The following FAR1 variants were observed in gnomAD, a reference collection of about 807,000 sequenced individuals.
FAR1 encodes the protein male sterility domain-containing protein 2.
Under a neutral mutation model 61.1 loss-of-function variants are expected in FAR1, and 22 were observed. The observed-to-expected ratio is 0.36, with a 90% CI of 0.26 to 0.51. The LOEUF (loss-of-function observed/expected upper bound fraction) is 0.51. FAR1 is among the 20% of genes least tolerant of loss of function. FAR1 has a pLI of 0.95. For synonymous variants in FAR1, 206 were observed against 209.7 expected, an observed-to-expected ratio of 0.98 and a Z score of 0.15; for missense variants, 359 against 626.9, an observed-to-expected ratio of 0.57 and a Z score of 4.56.
At chr11:13,699,159 C>T (rs1290990201) in intron 2 of FAR1, among the ~76,000 whole-genome samples, 3 of 152,142 alleles carry the variant, frequency 2.0e-5, no homozygotes, top group Admixed American at 6.5e-5. Flanking sequence ...CTCTGAGAAG[C>T]CAGCTTGTGT....
At position 13,721,463 on chromosome 11, in the gene FAR1, G is replaced by C; in HGVS notation, c.1128-267G>C. ...TGTATACCCTTTGAGAATTAATTCTGTATATCAGCAGAACTCTGTTTAGGT... is the reference window on the plus strand; with the variant it reads ...TGTATACCCTTTGAGAATTAATTCTCTATATCAGCAGAACTCTGTTTAGGT... On this transcript the variant is annotated intron_variant, in intron 9 of 11. Transcript: ENST00000354817. The surrounding 1 kb of genome is among the most constrained non-coding windows in gnomAD (Gnocchi z 4.2). 3.5e-6 allele frequency: 1 copy of C among 286,198 alleles called. No homozygotes were observed. The highest frequency in any genetic ancestry group is 6.5e-6 in the Non-Finnish European group (1 of 154,662). The allele number at this position is 286,198 out of a possible 1,614,324, so 17.7% of individuals were successfully genotyped here.
At chr11:13,707,313 A>G (rs190376488) in intron 3 of FAR1, among the ~76,000 whole-genome samples, 17 of 152,272 alleles carry the variant, frequency 1.1e-4, no homozygotes, top group Non-Finnish European at 2.4e-4. Flanking sequence ...TAACAGATGT[A>G]CCAGTTTTAT....
At chr11:13,696,915 T>C (rs1208940897) in intron 2 of FAR1, among the ~76,000 whole-genome samples, 3 of 152,240 alleles carry the variant, frequency 2.0e-5, no homozygotes, top group East Asian at 1.9e-4. Context: ...CATTGACTTA[T>C]AGCAGGGTTT....
At chr11:13,699,643 T>A (rs1848348447) in intron 2 of FAR1, among the ~76,000 whole-genome samples, 1 of 152,204 alleles carries the variant, frequency 6.6e-6, no homozygotes, top group Non-Finnish European at 1.5e-5. Context: ...CAATTGAATA[T>A]GCCTTTAAAC....
intron 1 of FAR1, among the ~76,000 whole-genome samples, chr11:13,679,556 T>C (rs562150805): frequency 6.6e-6 from 1 of 152,312 alleles, no homozygotes; most frequent in Admixed American, 6.5e-5. Context: ...GCCCACCTTC[T>C]GTAGGCTTTA....
Position 13,731,278 on chromosome 11 carries a change from A to C in FAR1, c.*2504A>C, listed in dbSNP as rs1848722860. On this transcript the variant is annotated 3_prime_UTR_variant, in exon 12 of 12. Transcript: ENST00000354817. ...GTTCTTTGACTTAAGGATGGCATAA[A>C]ATAATCATTTTTGAACCTGTGTAAT... The C allele has an allele frequency of 6.6e-6, 1 of 152,616 alleles. No individual in the cohort carries two copies. The highest frequency in any genetic ancestry group is 2.1e-4 in the South Asian group (1 of 4,838). 9.5% of individuals were successfully genotyped at this position (152,616 alleles called of 1,614,324 possible).
chr11:13,704,025 CAA>C (rs376342857), intron 3 of FAR1, among the ~76,000 whole-genome samples: 6 of 110,326 alleles, frequency 5.4e-5, no homozygotes, highest in African/African-American at 2.2e-4. Flanking sequence ...GCCTGGGCGA[CAA>C]GAGCGAAACT....
intron 3 of FAR1, 100 bp from the exon 4 acceptor site, chr11:13,707,800 A>C (rs1848449940): frequency 1.2e-6 from 1 of 830,458 alleles, no homozygotes; most frequent in African/African-American, 1.8e-5. Context: ...AGAAACAAAA[A>C]TTTCTCTGTC....
At chr11:13,707,384 A>G (rs1293281351) in intron 3 of FAR1, among the ~76,000 whole-genome samples, 1 of 152,194 alleles carries the variant, frequency 6.6e-6, no homozygotes, top group African/African-American at 2.4e-5. Context: ...TGATTGCTAC[A>G]AAGAGGAAAA....
At chr11:13,695,395 C>T (rs1434011840) in intron 2 of FAR1, among the ~76,000 whole-genome samples, 2 of 152,034 alleles carry the variant, frequency 1.3e-5, no homozygotes, top group African/African-American at 4.8e-5. Context: ...CACATATTCC[C>T]ATTTAACAGA....
chr11:13,700,549 A>C, intron 3 of FAR1, 57 bp downstream of exon 3: 2,019 of 1,055,010 alleles, frequency 1.9e-3, no homozygotes, highest in Non-Finnish European at 2.4e-3. Context: ...AAAAAATCTC[A>C]TTTTAATTCT....
intron 2 of FAR1, 98 bp from the exon 3 acceptor site, chr11:13,700,218 TA>T (rs771928820): frequency 8.0e-6 from 7 of 879,822 alleles, no homozygotes; most frequent in Non-Finnish European, 1.2e-5. Context: ...TTTAAGTTTC[TA>T]AAAAAATAGT....
intron 1 of FAR1, among the ~76,000 whole-genome samples, chr11:13,670,951 C>A (rs1847995558): frequency 6.6e-6 from 1 of 152,116 alleles, no homozygotes; most frequent in Admixed American, 6.5e-5. Context: ...GTTATAGAGT[C>A]AAGGACAGAA....
Position 13,707,893 on chromosome 11 carries a change from TAAACA to T in FAR1, c.366-6_366-2del. On this transcript the variant is annotated splice_acceptor_variant and splice_polypyrimidine_tract_variant and intron_variant, in intron 3 of 11. Transcript: ENST00000354817. LOFTEE classifies it high-confidence loss of function. The stretch of plus-strand genomic sequence containing the variant: ...ATTTTCTATTGTCACTTTTTCTTTT[TAAACA>T]GAGATGCTGTTCAGTTAAATGTGAT... 1 of 1,491,150 alleles carries T rather than the reference TAAACA, an allele frequency of 6.7e-7. No homozygotes were observed. Among genetic ancestry groups the T allele is most frequent in the Non-Finnish European group, 9.0e-7 (1 of 1,116,422 alleles). 92.4% of individuals were successfully genotyped at this position (1,491,150 alleles called of 1,614,324 possible).
At chr11:13,718,478 C>T (rs1427076342) in intron 9 of FAR1, among the ~76,000 whole-genome samples, 4 of 152,200 alleles carry the variant, frequency 2.6e-5, no homozygotes, top group African/African-American at 7.2e-5. Flanking sequence ...CCCTTTAAGG[C>T]TTCCATTAAT....
chr11:13,728,432 G>A (rs1189424664), intron 11 of FAR1, among the ~76,000 whole-genome samples, 180 bp from the exon 12 acceptor site: 2 of 151,788 alleles, frequency 1.3e-5, no homozygotes, highest in Non-Finnish European at 3.0e-5. Flanking sequence ...GATTAGATGG[G>A]AAGCTCTAGA....
At chr11:13,723,301 G>C (rs1848632227) in intron 10 of FAR1, 4 of 357,864 alleles carry the variant, frequency 1.1e-5, no homozygotes, top group Non-Finnish European at 2.1e-5. Flanking sequence ...GGAGGTCAAG[G>C]CTGCAGTGAG....
At chr11:13,701,768 CATTA>C (rs1848378448) in intron 3 of FAR1, among the ~76,000 whole-genome samples, 1 of 151,950 alleles carries the variant, frequency 6.6e-6, no homozygotes, top group African/African-American at 2.4e-5. Flanking sequence ...TGTATTTTCT[CATTA>C]ATTATTTTAT....
intron 9 of FAR1, among the ~76,000 whole-genome samples, chr11:13,715,623 T>C (rs527380588): frequency 6.6e-6 from 1 of 152,232 alleles, no homozygotes; most frequent in Non-Finnish European, 1.5e-5. Flanking sequence ...GGCATAGTTA[T>C]GAAAAAAAAG....
Sources: allele counts gnomAD v4.1 joint callset (sites outside exome capture counted in the v4.1 genomes callset), GRCh38; gene constraint gnomAD v4.1.1; non-coding constraint Gnocchi (gnomAD v3.1); transcripts MANE v1.5; gene names NCBI Gene and HGNC (gene_info 2026-07-23, HGNC 2026-07-21).